The following TAF6 variants were observed in gnomAD, a reference collection of about 807,000 sequenced individuals.
TAF6 encodes TATA-box binding protein associated factor 6, also known as transcription initiation factor TFIID subunit 6.
Under a neutral mutation model 73.5 loss-of-function variants are expected in TAF6, and 50 were observed. The ratio of observed to expected loss-of-function variants is 0.68; its 90% confidence interval spans 0.54 to 0.86. The LOEUF (loss-of-function observed/expected upper bound fraction) is 0.86. TAF6 is among the 40% of genes least tolerant of loss of function. The pLI, the probability that TAF6 is intolerant of heterozygous loss-of-function variation, is 0.00. For synonymous variants in TAF6, 424 were observed against 376.7 expected (o/e 1.13, Z -1.45); for missense variants, 768 against 899.5 (o/e 0.85, Z 1.87).
At chr7:100,122,733 G>T, upstream of TAF6, 1 of 1,583,324 alleles carries the variant, frequency 6.3e-7, no homozygotes, top group South Asian at 1.1e-5. Context: ...GAAAGGGGAA[G>T]GGAGGGGTGG....
chr7:100,126,079 G>A, the TAF6 span, among the ~76,000 whole-genome samples: 3 of 152,306 alleles, frequency 2.0e-5, no homozygotes, highest in South Asian at 2.1e-4. Flanking sequence ...CCAGCTACTC[G>A]GGAGGCTGAG....
chr7:100,108,202 T>A, intron 13 of TAF6, 79 bp from the exon 14 acceptor site: 1 of 1,479,998 alleles, frequency 6.8e-7, no homozygotes, highest in Non-Finnish European at 9.0e-7. Context: ...TGGGCTCCCC[T>A]CGCTCTTCCT....
rs372394361 is a variant in TAF6, at chr7:100,107,557, CGGT to C, written c.1720_1722del (p.Thr574del). 25 of 1,613,792 alleles carry C rather than the reference CGGT, an allele frequency of 1.5e-5. No individual in the cohort carries two copies. In the East Asian group the frequency reaches 3.8e-4, roughly 24 times the overall value. ...TTGACGATGGGCTGCACGCTGGGGA[CGGT>C]GGTGGTGACGGGCGAAGTGGTGGTG... On this transcript the variant is annotated inframe_deletion, in exon 15 of 15. Coordinates refer to ENST00000453269, the MANE Select transcript of TAF6 (RefSeq NM_139315.3).
At position 100,119,281 on chromosome 7, in the gene TAF6, G is replaced by A; in HGVS notation, c.-137C>T. On this transcript the variant is annotated 5_prime_UTR_variant, in exon 1 of 15. Coordinates refer to ENST00000453269, the MANE Select transcript of TAF6 (RefSeq NM_139315.3). ...CCACTCAGACCCGCCCCCGCCACCC[G>A]AGCGCGGGGAGCAGGAAAACTCTAG... is the stretch of plus-strand genomic sequence containing the variant. The A allele has an allele frequency of 2.9e-6, 3 of 1,018,976 alleles. No individual in the cohort carries two copies. Among genetic ancestry groups the A allele is most frequent in the African/African-American group, 1.7e-5 (1 of 57,480 alleles). 63.1% of individuals were successfully genotyped at this position (1,018,976 alleles called of 1,614,324 possible). A position where few individuals can be genotyped will look rare whatever the true frequency, so the allele number is the denominator to read the frequency against.
Position 100,108,485 on chromosome 7 carries a change from G to T in TAF6, c.1340C>A (p.Ala447Asp), listed in dbSNP as rs749664890. ...KLRPPPDNQD[A>D]YRAEFGSLGP... Reference sequence around the variant, plus strand: ...AAGGGACCCGAATTCTGCCCGATAGGCGTCCTGATTGTCAGGCGGTGGGCG... The same window carrying T: ...AAGGGACCCGAATTCTGCCCGATAGTCGTCCTGATTGTCAGGCGGTGGGCG... The change falls in exon 13 of 15, where the codon GCC becomes GAC. Residue 447 changes from alanine to aspartate, a missense_variant. Ala to Asp is a moderately radical substitution (Grantham distance 126). Around this residue, in one of 5 missense-constraint regions of TAF6, gnomAD observed 350 missense variants for 352.3 expected, o/e 0.99. Transcript: ENST00000453269. 1.2e-6 allele frequency: 2 copies of T among 1,613,908 alleles called. No homozygotes were observed. Among genetic ancestry groups the T allele is most frequent in the Non-Finnish European group, 1.7e-6 (2 of 1,179,802 alleles).
In TAF6 at chr7:100,113,350, T is replaced by G; in HGVS notation, c.453A>C (p.Pro151=). Residue 151 remains proline (P), a splice_region_variant and synonymous_variant, in exon 5 of 15, where the codon CCA becomes CCC. Transcript: ENST00000453269. ...CQPAIPENPP[P]APKEQQKAEA... is the part of the protein sequence containing the mutation. ...CAGAGGGTGGGGCATGGAGGTTACC[T>G]GGGGGCGGGTTCTCGGGGATAGCTG... 6.3e-7 allele frequency: 1 copy of G among 1,587,114 alleles called. No individual in the cohort carries two copies. Among genetic ancestry groups the G allele is most frequent in the Non-Finnish European group, 8.6e-7 (1 of 1,167,064 alleles).
upstream of TAF6, chr7:100,122,223 T>C (rs745622619): frequency 5.0e-6 from 8 of 1,612,058 alleles, no homozygotes; most frequent in South Asian, 8.8e-5. Flanking sequence ...TGTGTTTGTC[T>C]TTTACCTCCC....
At chr7:100,116,339 T>C (rs763065008) in intron 1 of TAF6, among the ~76,000 whole-genome samples, 2 of 151,568 alleles carry the variant, frequency 1.3e-5, no homozygotes, top group South Asian at 2.1e-4. Flanking sequence ...CTGGGCAACA[T>C]AGCAAAACCC....
rs1797938660 is a variant in TAF6 at position 100,119,285 on chromosome 7, G to C, written c.-141C>G. 2.0e-6 allele frequency: 2 copies of C among 1,019,838 alleles called. No individual in the cohort carries two copies. The highest frequency in any genetic ancestry group is 1.2e-6 in the Non-Finnish European group (1 of 849,090). The allele number at this position is 1,019,838 out of a possible 1,614,324, so 63.2% of individuals were successfully genotyped here. A position where few individuals can be genotyped will look rare whatever the true frequency, so the allele number is the denominator to read the frequency against. ...TCAGACCCGCCCCCGCCACCCGAGC[G>C]CGGGGAGCAGGAAAACTCTAGCGGC... On this transcript the variant is annotated 5_prime_UTR_variant, in exon 1 of 15. Transcript: ENST00000453269.
upstream of TAF6, chr7:100,122,128 C>G (rs1308056545): frequency 8.8e-7 from 1 of 1,135,916 alleles, no homozygotes; most frequent in Non-Finnish European, 1.2e-6. Flanking sequence ...ATGGCTGAGC[C>G]AGGATTCCAA....
the TAF6 span, among the ~76,000 whole-genome samples, chr7:100,125,756 C>T: frequency 6.6e-6 from 1 of 152,120 alleles, no homozygotes; most frequent in Non-Finnish European, 1.5e-5. Flanking sequence ...TCAAGACCAG[C>T]CTGGAGGCTG....
Position 100,113,809 on chromosome 7 carries a change from G to C in TAF6, c.244-40C>G, listed in dbSNP as rs776724547. ...AGGGGCATGGGTAAGAAGGGAGCCG[G>C]AGGAGACCTGGCTGAAGGATGGCGT... is the stretch of plus-strand genomic sequence containing the variant. On this transcript the variant is annotated intron_variant, in intron 3 of 14. Transcript: ENST00000453269. The C allele has an allele frequency of 1.1e-5, 18 of 1,612,628 alleles. No individual in the cohort carries two copies. The African/African-American group carries it at 2.4e-4, about 22-fold the overall frequency.
chr7:100,119,810 G>T, upstream of TAF6: 1 of 1,614,142 alleles, frequency 6.2e-7, no homozygotes, highest in Non-Finnish European at 8.5e-7. Flanking sequence ...CTTGGGCTGG[G>T]ATGTTGAAGG....
chr7:100,112,383 C>T (rs762604556), intron 6 of TAF6, 130 bp from the exon 7 acceptor site: 2 of 1,319,838 alleles, frequency 1.5e-6, no homozygotes, highest in South Asian at 1.5e-5. Flanking sequence ...CCCATCCTTT[C>T]TGGGGCTCTG....
chr7:100,107,111 G>A lies in TAF6; in HGVS notation c.*135C>T. ...AAACTTTTATTCTGAGAAACTGGCTGTACAATATCTAAAAAGAAAGTGACA... is the reference window on the plus strand; with the variant it reads ...AAACTTTTATTCTGAGAAACTGGCTATACAATATCTAAAAAGAAAGTGACA... On this transcript the variant is annotated 3_prime_UTR_variant, in exon 15 of 15. Coordinates refer to ENST00000453269, the MANE Select transcript of TAF6 (RefSeq NM_139315.3). 1 of 1,346,504 alleles carries A rather than the reference G, an allele frequency of 7.4e-7. No individual in the cohort carries two copies. Among genetic ancestry groups the A allele is most frequent in the Non-Finnish European group, 9.9e-7 (1 of 1,006,036 alleles). The allele number at this position is 1,346,504 out of a possible 1,614,324, so 83.4% of individuals were successfully genotyped here.
chr7:100,109,962 G>A lies in TAF6; in HGVS notation c.1270C>T (p.Gln424Ter). 6.2e-7 allele frequency: 1 copy of A among 1,614,196 alleles called. No homozygotes were observed. Among genetic ancestry groups the A allele is most frequent in the Non-Finnish European group, 8.5e-7 (1 of 1,180,032 alleles). The change falls in exon 12 of 15, where the codon CAG becomes TAG. Residue 424 changes from glutamine (Q) to a stop codon, truncating the protein, a stop_gained. Coordinates refer to ENST00000453269, the MANE Select transcript of TAF6 (RefSeq NM_139315.3). LOFTEE classifies it high-confidence loss of function. ...GCTTCAGTCACCAGCAGGAGGCTCT[G>A]CACATGGTCTGCTCCAATCCGGTCA... is the stretch of plus-strand genomic sequence containing the variant. ...NIDRIGADHV[Q>*]SLLLKHCAPV...
At chr7:100,113,005 C>G in intron 5 of TAF6, 88 bp from the exon 6 acceptor site, 1 of 1,520,312 alleles carries the variant, frequency 6.6e-7, no homozygotes, top group East Asian at 2.3e-5. Context: ...TGGCTCATGC[C>G]TGTAATCCCA....
At position 100,110,041 on chromosome 7, in the gene TAF6, C is replaced by T; in HGVS notation, c.1191G>A (p.Gln397=). 1 of 1,614,166 alleles carries T rather than the reference C, an allele frequency of 6.2e-7. No homozygotes were observed. The highest frequency in any genetic ancestry group is 8.5e-7 in the Non-Finnish European group (1 of 1,180,036). ...VIKTLILPRL[Q]QEGERIRSVL... is the part of the protein sequence containing the mutation. Reference sequence around the variant, plus strand: ...CACTGCGGATCCGCTCCCCTTCCTGCTGCAGCCGGGGCAGAATCAGAGTCT... The same window carrying T: ...CACTGCGGATCCGCTCCCCTTCCTGTTGCAGCCGGGGCAGAATCAGAGTCT... Residue 397 remains glutamine (Q), a synonymous_variant, in exon 12 of 15, where the codon CAG becomes CAA. Transcript: ENST00000453269.
rs761617892 is a variant in TAF6, at chr7:100,108,033, C to G, written c.1549G>C (p.Val517Leu). The change falls in exon 14 of 15, where the codon GTC (valine) becomes CTC (leucine). Residue 517 changes from valine (V) to leucine (L), a missense_variant. Val to Leu is a conservative substitution (Grantham distance 32, BLOSUM62 1). Coordinates refer to ENST00000453269, the MANE Select transcript of TAF6 (RefSeq NM_139315.3). ...GCTCGTGCAGACACCAGTGTCTGGA[C>G]AGGAAGTGCGATGGAGCCAGGAACC... The part of the protein sequence containing the change: ...LKVPGSIALP[V>L]QTLVSARAAA... 1 of 1,613,688 alleles carries G rather than the reference C, an allele frequency of 6.2e-7. No individual in the cohort carries two copies.
Sources: gnomAD v4.1 joint callset for allele counts (sites outside exome capture counted in the v4.1 genomes callset) on GRCh38, gnomAD v4.1.1 for gene constraint, gnomAD v4.1.1 regional missense constraint, MANE v1.5 for transcripts, NCBI Gene and HGNC (gene_info 2026-07-23, HGNC 2026-07-21) for gene names.